Variants in DZANK1 observed in about 807,000 individuals in gnomAD.
The protein encoded by DZANK1 is double zinc ribbon and ankyrin repeat domains 1.
DZANK1 carries 91 observed loss-of-function variants against 94.5 expected under a neutral mutation model. That is an observed-to-expected ratio of 0.96 (90% CI 0.81 to 1.15). The LOEUF is 1.15. Ranked by LOEUF, DZANK1 falls within the 50% of genes most tolerant of loss-of-function variation. The pLI, the probability that DZANK1 is intolerant of heterozygous loss-of-function variation, is 0.00. For synonymous variants in DZANK1, 312 were observed against 325.3 expected (o/e 0.96, Z 0.44); for missense variants, 903 against 916.4 (o/e 0.99, Z 0.19).
chr20:18,405,808 T>C (rs1213672620), intron 13 of DZANK1, among the ~76,000 whole-genome samples: 2 of 152,228 alleles, frequency 1.3e-5, no homozygotes, highest in Non-Finnish European at 2.9e-5. Context: ...AGAGACGGTC[T>C]TGAATCACTG....
chr20:18,448,953 T>C, intron 7 of DZANK1, 31 bp downstream of exon 7: 1 of 1,555,680 alleles, frequency 6.4e-7, no homozygotes, highest in East Asian at 2.2e-5. Flanking sequence ...TTGTAGGATT[T>C]AAGGCAGAGT....
chr20:18,441,725 A>G lies in DZANK1; in HGVS notation c.747+1622T>C, dbSNP rs1419617935. Reference sequence around the variant, plus strand: ...GGAAAAAGCCGCCCACTGGGATCCAATGAAACTCATTAGGAATTCCTCATC... The same window carrying G: ...GGAAAAAGCCGCCCACTGGGATCCAGTGAAACTCATTAGGAATTCCTCATC... On this transcript the variant is annotated intron_variant, in intron 8 of 20. Transcript: ENST00000262547. The surrounding 1 kb of genome is among the most constrained non-coding windows in gnomAD (Gnocchi z 4.1). Among the ~76,000 whole-genome samples, 1 of 152,234 alleles carries G rather than the reference A, an allele frequency of 6.6e-6. No homozygotes were observed. The highest frequency in any genetic ancestry group is 6.5e-5 in the Admixed American group (1 of 15,284).
chr20:18,456,137 A>G (rs1180467179), intron 3 of DZANK1, among the ~76,000 whole-genome samples: 1 of 152,208 alleles, frequency 6.6e-6, no homozygotes, highest in African/African-American at 2.4e-5. Flanking sequence ...AAACTATTCT[A>G]AAACAAAAAA....
intron 10 of DZANK1, among the ~76,000 whole-genome samples, chr20:18,421,819 C>T (rs2057795547): frequency 6.6e-6 from 1 of 152,154 alleles, no homozygotes; most frequent in Non-Finnish European, 1.5e-5. Context: ...ATCATCTGGC[C>T]CCAGAGCACA....
intron 2 of DZANK1, among the ~76,000 whole-genome samples, chr20:18,462,477 T>C (rs1338804552): frequency 6.6e-6 from 1 of 152,176 alleles, no homozygotes; most frequent in Non-Finnish European, 1.5e-5. Context: ...AAAGAAGATA[T>C]ACAAGTGGCC....
At chr20:18,442,491 T>C (rs753683504) in intron 8 of DZANK1, among the ~76,000 whole-genome samples, 22 of 152,192 alleles carry the variant, frequency 1.4e-4, no homozygotes, top group Non-Finnish European at 2.9e-4. Context: ...TGCCATTATA[T>C]ATTAGCAAAA....
chr20:18,457,914 T>C (rs1019111393), intron 3 of DZANK1, among the ~76,000 whole-genome samples: 2 of 152,224 alleles, frequency 1.3e-5, no homozygotes, highest in Admixed American at 6.5e-5. Context: ...CACATCATCA[T>C]GACCACGCTT....
intron 9 of DZANK1, among the ~76,000 whole-genome samples, chr20:18,427,410 G>A (rs1008927188): frequency 2.0e-5 from 3 of 151,852 alleles, no homozygotes; most frequent in African/African-American, 7.3e-5. Context: ...CTGGTGTCCA[G>A]CTCCTGGCCT....
At chr20:18,415,560 GTTT>G in intron 10 of DZANK1, 111 bp from the exon 11 acceptor site, 1 of 1,189,914 alleles carries the variant, frequency 8.4e-7, no homozygotes, top group Non-Finnish European at 1.1e-6. Flanking sequence ...CGGAAATAGT[GTTT>G]TTTTTGTTTT....
intron 19 of DZANK1, among the ~76,000 whole-genome samples, chr20:18,388,474 T>C (rs1332370580): frequency 6.6e-6 from 1 of 152,234 alleles, no homozygotes; most frequent in Non-Finnish European, 1.5e-5. Flanking sequence ...TCACGCTGCT[T>C]ACACTTCAAT....
chr20:18,460,116 A>G, intron 3 of DZANK1, 37 bp downstream of exon 3: 1 of 1,327,190 alleles, frequency 7.5e-7, no homozygotes, highest in Non-Finnish European at 1.0e-6. Flanking sequence ...ATGTTATTAT[A>G]TCATAAATTA....
intron 17 of DZANK1, among the ~76,000 whole-genome samples, chr20:18,392,650 A>G (rs1480791054): frequency 6.6e-6 from 1 of 152,278 alleles, no homozygotes; most frequent in East Asian, 1.9e-4. Flanking sequence ...AGCTCCTTTT[A>G]GAACTATTCT....
chr20:18,452,398 G>A lies in DZANK1; in HGVS notation c.543+217C>T, dbSNP rs752184603. Among the ~76,000 whole-genome samples the A allele has an allele frequency of 4.5e-4, 68 of 152,038 alleles. 1 individual carries two copies. Among genetic ancestry groups the A allele is most frequent in the Admixed American group, 1.9e-3 (29 of 15,266 alleles). On this transcript the variant is annotated intron_variant, in intron 6 of 20. Transcript: ENST00000262547. ...CGCTTACCACCATTTTAAATTTTCT[G>A]TTTATTTACTTAAAATTATGTGTCT...
chr20:18,395,675 C>A (rs2056301114), intron 15 of DZANK1, among the ~76,000 whole-genome samples: 1 of 152,184 alleles, frequency 6.6e-6, no homozygotes, highest in African/African-American at 2.4e-5. Context: ...TTGGATCAGG[C>A]TAAAGCTCAA....
At chr20:18,412,897 T>TTA in intron 12 of DZANK1, 44 bp from the exon 13 acceptor site, 1 of 1,511,666 alleles carries the variant, frequency 6.6e-7, no homozygotes, top group Non-Finnish European at 9.0e-7. Flanking sequence ...GAATATAATT[T>TTA]AATCAATCTT....
intron 1 of DZANK1, chr20:18,465,597 G>A (rs895988920): frequency 3.1e-5 from 7 of 224,208 alleles, no homozygotes; most frequent in Non-Finnish European, 6.0e-5. Flanking sequence ...TTCTGCGAAA[G>A]GAGCATGAAT....
chr20:18,406,520 C>T (rs1362358892), intron 13 of DZANK1, among the ~76,000 whole-genome samples: 1 of 152,248 alleles, frequency 6.6e-6, no homozygotes, highest in Non-Finnish European at 1.5e-5. Flanking sequence ...GACTAAAGGG[C>T]CCCTGGGCCC....
exon 21 of DZANK1, chr20:18,384,202 G>A: frequency 2.2e-6 from 1 of 451,528 alleles, no homozygotes; most frequent in Non-Finnish European, 3.8e-6. Flanking sequence ...TGGGATTACA[G>A]GCATGCACCA....
At chr20:18,438,218 C>CAAAAAAAAAAAAAAAAA (rs761846698) in intron 8 of DZANK1, among the ~76,000 whole-genome samples, 1 of 57,750 alleles carries the variant, frequency 1.7e-5, no homozygotes, top group Non-Finnish European at 3.1e-5. Flanking sequence ...GACTCTGTCT[C>CAAAAAAAAAAAAAAAAA]AAAAAAAAAA....
Sources: gnomAD v4.1 joint callset for allele counts (sites outside exome capture counted in the v4.1 genomes callset) on GRCh38, gnomAD v4.1.1 for gene constraint, Gnocchi (gnomAD v3.1) non-coding constraint, MANE v1.5 for transcripts, NCBI Gene and HGNC (gene_info 2026-07-23, HGNC 2026-07-21) for gene names.